The following COL25A1 variants were observed in gnomAD, a reference collection of about 807,000 sequenced individuals.
COL25A1 encodes the protein collagen alpha-1(XXV) chain.
In COL25A1, 103 loss-of-function variants were observed where a neutral mutation model predicts 128.4. The ratio of observed to expected loss-of-function variants is 0.80; its 90% CI spans 0.68 to 0.94. The LOEUF is 0.94. Ranked by LOEUF, COL25A1 falls within the 40% of genes least tolerant of loss-of-function variation. The probability of loss-of-function intolerance (pLI) is 0.00; values close to 1 mark genes in which losing one functional copy is unlikely to be tolerated. For missense variants in COL25A1, 745 were observed against 840.0 expected, an observed-to-expected ratio of 0.89 and a Z score of 1.40; for synonymous variants, 279 against 277.2, an observed-to-expected ratio of 1.01 and a Z score of -0.06.
chr4:108,838,904 T>C (rs1734110219), intron 31 of COL25A1, among the ~76,000 whole-genome samples: 1 of 152,144 alleles, frequency 6.6e-6, no homozygotes. Flanking sequence ...AACCAAGGAA[T>C]ACAGTATACC....
Position 109,300,579 on chromosome 4 carries a change from T to C in COL25A1, c.367+4A>G, listed in dbSNP as rs761905676. On this transcript the variant is annotated splice_donor_region_variant and intron_variant, in intron 3 of 37. Transcript: ENST00000399132. ...GAAACCTTGTTAAATAAGTTCCATTTTACCTGCTGGGCAGTTACATTCTGA... is the reference window on the plus strand; with the variant it reads ...GAAACCTTGTTAAATAAGTTCCATTCTACCTGCTGGGCAGTTACATTCTGA... 1 of 1,600,860 alleles carries C rather than the reference T, an allele frequency of 6.2e-7. No homozygotes were observed. Among genetic ancestry groups the C allele is most frequent in the South Asian group, 1.1e-5 (1 of 90,796 alleles).
intron 3 of COL25A1, among the ~76,000 whole-genome samples, chr4:109,160,570 C>A (rs1316880851): frequency 1.3e-5 from 2 of 152,176 alleles, no homozygotes; most frequent in Non-Finnish European, 1.5e-5. Flanking sequence ...GGATAAGCCA[C>A]TACTACCTAC....
At chr4:109,104,700 T>G (rs1044236894) in intron 3 of COL25A1, among the ~76,000 whole-genome samples, 11 of 151,930 alleles carry the variant, frequency 7.2e-5, no homozygotes, top group Non-Finnish European at 1.5e-4. Context: ...CAGGATAAAT[T>G]AACTAATTTC....
chr4:109,050,945 C>G (rs968521017), intron 3 of COL25A1, among the ~76,000 whole-genome samples: 1 of 151,314 alleles, frequency 6.6e-6, no homozygotes, highest in Non-Finnish European at 1.5e-5. Flanking sequence ...AGACTTCGCA[C>G]AAGATTCTAG....
At chr4:109,195,304 C>G (rs756801169) in intron 3 of COL25A1, among the ~76,000 whole-genome samples, 2 of 152,086 alleles carry the variant, frequency 1.3e-5, no homozygotes, top group African/African-American at 2.4e-5. Context: ...CTCCAGCTGA[C>G]CCACAGACAC....
At position 109,106,470 on chromosome 4, in the gene COL25A1, C is replaced by T. The variant is rs144640844; in HGVS notation, c.368-56291G>A. ...TTCTGATACTGTACACTTTACAAGA[C>T]AGATTTGTGATTAAGACTGTTATGC... On this transcript the variant is annotated intron_variant, in intron 3 of 37. Coordinates refer to ENST00000399132, the MANE Select transcript of COL25A1 (RefSeq NM_198721.4). 3.6e-4 allele frequency among the ~76,000 whole-genome samples: 54 copies of T among 152,058 alleles called. No individual in the cohort carries two copies. In the East Asian group the frequency reaches 0.01, roughly 28 times the overall value.
At chr4:109,124,248 T>A (rs1396649008) in intron 3 of COL25A1, among the ~76,000 whole-genome samples, 2 of 152,050 alleles carry the variant, frequency 1.3e-5, no homozygotes, top group African/African-American at 4.8e-5. Context: ...TCCTCTCCCA[T>A]GTATTTTTCA....
At chr4:109,033,740 G>GA (rs527590859) in intron 5 of COL25A1, among the ~76,000 whole-genome samples, 9 of 148,906 alleles carry the variant, frequency 6.0e-5, no homozygotes, top group Non-Finnish European at 8.9e-5. Context: ...TCTTTGCAGG[G>GA]AAAAAAAAAG....
intron 3 of COL25A1, among the ~76,000 whole-genome samples, chr4:109,298,686 T>C (rs2126291731): frequency 6.6e-6 from 1 of 152,234 alleles, no homozygotes; most frequent in East Asian, 1.9e-4. Flanking sequence ...ATTTTGATGA[T>C]GTCTGATTAT....
At chr4:109,088,847 A>T (rs1764648591) in intron 3 of COL25A1, among the ~76,000 whole-genome samples, 1 of 152,200 alleles carries the variant, frequency 6.6e-6, no homozygotes, top group African/African-American at 2.4e-5. Flanking sequence ...ACTGAGTAGG[A>T]GAATAAAGAC....
chr4:109,136,512 T>C (rs1185334159), intron 3 of COL25A1, among the ~76,000 whole-genome samples: 2 of 152,216 alleles, frequency 1.3e-5, no homozygotes, highest in Non-Finnish European at 2.9e-5. Context: ...AAATGCATCC[T>C]GAGGAAGTAA....
chr4:108,947,407 A>G (rs1181762329), intron 8 of COL25A1, among the ~76,000 whole-genome samples: 3 of 151,624 alleles, frequency 2.0e-5, no homozygotes, highest in African/African-American at 7.3e-5. Flanking sequence ...GTGCTGTTGC[A>G]CTCCAGCTTG....
At chr4:108,834,476 G>A in intron 31 of COL25A1, 2 of 1,174,214 alleles carry the variant, frequency 1.7e-6, no homozygotes, top group Non-Finnish European at 2.5e-6. Context: ...ATGAACAAAT[G>A]TAACACTTCA....
chr4:108,912,923 T>C (rs919305659), intron 13 of COL25A1, among the ~76,000 whole-genome samples: 1 of 152,186 alleles, frequency 6.6e-6, no homozygotes, highest in African/African-American at 2.4e-5. Flanking sequence ...TAAAATTTAA[T>C]GTTACTTAAA....
chr4:108,912,997 T>C (rs1744415735), intron 13 of COL25A1, among the ~76,000 whole-genome samples: 1 of 152,146 alleles, frequency 6.6e-6, no homozygotes, highest in Non-Finnish European at 1.5e-5. Flanking sequence ...TAAATTTATG[T>C]TATATTTGAA....
chr4:109,126,059 G>A (rs1280810713), intron 3 of COL25A1, among the ~76,000 whole-genome samples: 1 of 152,002 alleles, frequency 6.6e-6, no homozygotes, highest in Non-Finnish European at 1.5e-5. Flanking sequence ...GTGCTTTGCT[G>A]TGCCGTAATA....
At chr4:109,219,473 T>C (rs923602496) in intron 3 of COL25A1, among the ~76,000 whole-genome samples, 2 of 152,160 alleles carry the variant, frequency 1.3e-5, no homozygotes, top group African/African-American at 2.4e-5. Context: ...CTGTACCCTA[T>C]GTTCCTTGCT....
intron 3 of COL25A1, among the ~76,000 whole-genome samples, chr4:109,166,622 C>T (rs1578336683): frequency 6.6e-6 from 1 of 152,166 alleles, no homozygotes; most frequent in African/African-American, 2.4e-5. Flanking sequence ...GGGATTTGCA[C>T]TCCACTGATC....
intron 3 of COL25A1, among the ~76,000 whole-genome samples, chr4:109,295,880 A>G (rs1724927718): frequency 6.6e-6 from 1 of 152,050 alleles, no homozygotes; most frequent in Non-Finnish European, 1.5e-5. Context: ...GAATGTATAG[A>G]GAGACCTCAG....
Sources: gnomAD v4.1 joint callset for allele counts (sites outside exome capture counted in the v4.1 genomes callset) on GRCh38, gnomAD v4.1.1 for gene constraint, MANE v1.5 for transcripts, NCBI Gene and HGNC (gene_info 2026-07-23, HGNC 2026-07-21) for gene names.